HMGCLL1: variants seen among roughly 807,000 people sequenced by gnomAD.
HMGCLL1 encodes 3-hydroxy-3-methylglutaryl-CoA lyase like 1.
A neutral mutation model predicts 39.1 loss-of-function variants in HMGCLL1; 36 were observed. The observed-to-expected ratio is 0.92, with a 90% CI of 0.71 to 1.22. HMGCLL1 has a LOEUF of 1.22. Among genes scored for constraint, HMGCLL1 ranks in the 50% most tolerant of loss-of-function variants. HMGCLL1 has a pLI of 0.00. For missense variants in HMGCLL1, 451 were observed against 416.5 expected (o/e 1.08, Z -0.72); for synonymous variants, 149 against 144.0 (o/e 1.03, Z -0.25).
intron 3 of HMGCLL1, among the ~76,000 whole-genome samples, chr6:55,523,025 C>T (rs915148189): frequency 5.9e-5 from 9 of 151,878 alleles, no homozygotes; most frequent in African/African-American, 1.2e-4. Context: ...TATAACTTGA[C>T]CACCTCTCTT....
intron 1 of HMGCLL1, among the ~76,000 whole-genome samples, chr6:55,546,414 A>G (rs1769979506): frequency 6.6e-6 from 1 of 152,068 alleles, no homozygotes; most frequent in South Asian, 2.1e-4. Flanking sequence ...CAGAGTTATC[A>G]AAATGGATAC....
chr6:55,642,135 A>G, the HMGCLL1 span, among the ~76,000 whole-genome samples: 1 of 122,254 alleles, frequency 8.2e-6, no homozygotes, highest in Non-Finnish European at 1.6e-5. Context: ...TTCAATTCCC[A>G]CCTATGAGTG....
At chr6:55,524,469 A>AAAAAAC (rs999040780) in intron 3 of HMGCLL1, among the ~76,000 whole-genome samples, 1 of 150,538 alleles carries the variant, frequency 6.6e-6, no homozygotes, top group African/African-American at 2.4e-5. Flanking sequence ...TCTTTAAAAA[A>AAAAAAC]AAAAAAAAAA....
the HMGCLL1 span, among the ~76,000 whole-genome samples, chr6:55,625,229 G>A: frequency 3.3e-5 from 5 of 152,142 alleles, no homozygotes; most frequent in Admixed American, 2.0e-4. Flanking sequence ...AAGTCACCAT[G>A]CCACCTGAAT....
chr6:55,579,171 G>C lies in HMGCLL1; in HGVS notation c.-116C>G. The stretch of plus-strand genomic sequence containing the variant: ...AGCGCGCCCCTCCGGTGCACTGGCT[G>C]TGAGGACCAGAGCTGTTCTGCGCAC... On this transcript the variant is annotated 5_prime_UTR_variant, in exon 1 of 9. Coordinates refer to ENST00000274901, the MANE Select transcript of HMGCLL1 (RefSeq NM_001042406.2). 1.3e-6 allele frequency: 1 copy of C among 774,920 alleles called. No individual in the cohort carries two copies. Among genetic ancestry groups the C allele is most frequent in the Non-Finnish European group, 2.2e-6 (1 of 460,250 alleles). 48.0% of individuals were successfully genotyped at this position (774,920 alleles called of 1,614,324 possible). A position where few individuals can be genotyped will look rare whatever the true frequency, so the allele number is the denominator to read the frequency against.
At chr6:55,599,941 C>G in the HMGCLL1 span, among the ~76,000 whole-genome samples, 1 of 152,158 alleles carries the variant, frequency 6.6e-6, no homozygotes, top group Non-Finnish European at 1.5e-5. Context: ...TGTTGGCTAT[C>G]TTGTCCATAT....
intron 8 of HMGCLL1, among the ~76,000 whole-genome samples, chr6:55,438,330 C>T (rs1763453194): frequency 6.6e-6 from 1 of 152,010 alleles, no homozygotes; most frequent in African/African-American, 2.4e-5. Context: ...ATTTATGGAG[C>T]ATCTTTATGC....
intron 7 of HMGCLL1, among the ~76,000 whole-genome samples, chr6:55,457,783 A>G (rs917188323): frequency 6.6e-5 from 10 of 152,238 alleles, no homozygotes; most frequent in African/African-American, 2.4e-4. Context: ...CTTTTTCATA[A>G]GCTCTAACTA....
the HMGCLL1 span, among the ~76,000 whole-genome samples, chr6:55,635,235 T>C: frequency 6.6e-6 from 1 of 152,120 alleles, no homozygotes; most frequent in African/African-American, 2.4e-5. Context: ...AAAGCTTATC[T>C]CTCTGTCCAT....
chr6:55,570,410 G>C (rs1285264810), intron 1 of HMGCLL1, among the ~76,000 whole-genome samples: 1 of 152,158 alleles, frequency 6.6e-6, no homozygotes, highest in African/African-American at 2.4e-5. Context: ...TCTTTGCTTA[G>C]AGACTAGAAT....
chr6:55,642,461 A>G, the HMGCLL1 span, among the ~76,000 whole-genome samples: 5 of 151,912 alleles, frequency 3.3e-5, no homozygotes, highest in Admixed American at 3.3e-4. Flanking sequence ...GGCTGCTTTT[A>G]AAAAAAATTT....
chr6:55,537,387 A>G (rs1769095541), intron 3 of HMGCLL1, among the ~76,000 whole-genome samples: 1 of 152,216 alleles, frequency 6.6e-6, no homozygotes, highest in African/African-American at 2.4e-5. Context: ...AAAGTAAAAT[A>G]TATAACATAG....
At chr6:55,499,210 C>T (rs2127426377) in intron 6 of HMGCLL1, 26 bp downstream of exon 6, 3 of 1,584,190 alleles carry the variant, frequency 1.9e-6, no homozygotes, top group East Asian at 2.2e-5. Context: ...TTACCATAAA[C>T]CAAAAAAGCT....
chr6:55,650,410 C>G, the HMGCLL1 span, among the ~76,000 whole-genome samples: 1 of 151,670 alleles, frequency 6.6e-6, no homozygotes, highest in Admixed American at 6.6e-5. Context: ...TGGAATAATT[C>G]TCTGAATTAC....
rs567629315 is a variant in HMGCLL1 at position 55,574,513 on chromosome 6, T to G, written c.108+4435A>C. 1.1e-4 allele frequency among the ~76,000 whole-genome samples: 13 copies of G among 123,026 alleles called. 1 individual carries two copies. In the South Asian group the frequency reaches 3.9e-3, roughly 37 times the overall value. The allele number at this position is 123,026 out of a possible 152,430, so 80.7% of individuals were successfully genotyped here. A position where few individuals can be genotyped will look rare whatever the true frequency, so the allele number is the denominator to read the frequency against. ...ACATCTTATAGACAGCAATTAAGGG[T>G]ATAGTAAAAAAAAGTATATCACTAA... On this transcript the variant is annotated intron_variant, in intron 1 of 8. Coordinates refer to ENST00000274901, the MANE Select transcript of HMGCLL1 (RefSeq NM_001042406.2).
At chr6:55,441,017 A>G (rs914171927) in intron 7 of HMGCLL1, among the ~76,000 whole-genome samples, 2 of 152,304 alleles carry the variant, frequency 1.3e-5, no homozygotes, top group East Asian at 1.9e-4. Context: ...GATACTTATT[A>G]AAGCACAGCA....
intron 3 of HMGCLL1, among the ~76,000 whole-genome samples, chr6:55,519,480 T>C (rs987494792): frequency 2.0e-5 from 3 of 152,164 alleles, no homozygotes; most frequent in South Asian, 2.1e-4. Context: ...TGAATTTAGC[T>C]TTTGTGCTTG....
At chr6:55,501,655 A>T (rs1299497707) in intron 5 of HMGCLL1, among the ~76,000 whole-genome samples, 1 of 151,940 alleles carries the variant, frequency 6.6e-6, no homozygotes, top group Non-Finnish European at 1.5e-5. Context: ...TGCTTTAAAA[A>T]AGATAAACAC....
At chr6:55,597,468 A>G in the HMGCLL1 span, among the ~76,000 whole-genome samples, 5 of 152,102 alleles carry the variant, frequency 3.3e-5, no homozygotes, top group Non-Finnish European at 5.9e-5. Context: ...TAAAAAGGAT[A>G]CAGAAGTTGA....
Sources: allele counts gnomAD v4.1 joint callset (sites outside exome capture counted in the v4.1 genomes callset), GRCh38; gene constraint gnomAD v4.1.1; transcripts MANE v1.5; gene names NCBI Gene and HGNC (gene_info 2026-07-23, HGNC 2026-07-21).